The following PAK6 variants were observed in gnomAD, a reference collection of about 807,000 sequenced individuals.
The protein encoded by PAK6 is p21 (RAC1) activated kinase 6, also known as serine/threonine-protein kinase PAK 6.
PAK6 carries 33 observed loss-of-function variants against 60.8 expected under a neutral mutation model. The observed-to-expected ratio is 0.54, with a 90% CI of 0.41 to 0.73. The LOEUF is 0.73. Among genes scored for constraint, PAK6 ranks in the 30% least tolerant of loss-of-function variants. The probability of loss-of-function intolerance (pLI) is 0.00; values close to 1 mark genes in which losing one functional copy is unlikely to be tolerated. For missense variants in PAK6, 845 were observed against 904.1 expected (o/e 0.93, Z 0.84); for synonymous variants, 404 against 378.5 (o/e 1.07, Z -0.78).
At chr15:40,264,414 CTT>C (rs2039064285) in intron 3 of PAK6, 1 of 469,792 alleles carries the variant, frequency 2.1e-6, no homozygotes. Context: ...TTTCCTCCCT[CTT>C]TCCCCATTTT....
Position 40,274,285 on chromosome 15 carries a change from G to A in PAK6, c.1878+9G>A. The stretch of plus-strand genomic sequence containing the variant: ...TGAAAAACTCTCACAAGGTCAGTTG[G>A]CACACAAGGGTGCGACCTCGCAGAC... On this transcript the variant is annotated intron_variant, in intron 10 of 10. Coordinates refer to ENST00000560346, the Ensembl canonical transcript of PAK6. 6.3e-7 allele frequency: 1 copy of A among 1,594,710 alleles called. No individual in the cohort carries two copies. Among genetic ancestry groups the A allele is most frequent in the Non-Finnish European group, 8.5e-7 (1 of 1,170,290 alleles).
intron 5 of PAK6, among the ~76,000 whole-genome samples, chr15:40,267,668 A>G (rs906005889): frequency 1.3e-4 from 20 of 152,170 alleles, no homozygotes; most frequent in Non-Finnish European, 2.9e-4. Flanking sequence ...GTCTCAAAAA[A>G]AAAAGAGAAA....
chr15:40,269,689 A>C (rs6492939), intron 5 of PAK6, among the ~76,000 whole-genome samples: 19,763 of 152,184 alleles, frequency 0.13, 1,629 homozygotes, highest in African/African-American at 0.22. Context: ...TGCCAGGCTG[A>C]AGACCAAGCC....
chr15:40,248,039 C>T (rs2038544275), intron 2 of PAK6, among the ~76,000 whole-genome samples: 1 of 152,212 alleles, frequency 6.6e-6, no homozygotes, highest in Non-Finnish European at 1.5e-5. Context: ...CCACCACCTT[C>T]CCCAGGGCGG....
At chr15:40,256,180 G>C (rs951521537) in intron 3 of PAK6, among the ~76,000 whole-genome samples, 1 of 152,140 alleles carries the variant, frequency 6.6e-6, no homozygotes, top group Admixed American at 6.5e-5. Flanking sequence ...AGCTCTGATC[G>C]CGCCACTGCA....
chr15:40,272,667 C>T (rs917620668), exon 6 of PAK6: 6 of 1,604,418 alleles, frequency 3.7e-6, no homozygotes, highest in Admixed American at 1.7e-5. Flanking sequence ...GCCAGGTGGC[C>T]GTCAAGATGA....
In PAK6 at chr15:40,264,785, C is replaced by T. The variant is rs760668122; in HGVS notation, c.-1C>T. ...AACCTTACTCTGCACTTACAGGCAC[C>T]ATGTTCCGCAAGAAAAAGAAGAAAC... is the stretch of plus-strand genomic sequence containing the variant. On this transcript the variant is annotated 5_prime_UTR_variant, in exon 4 of 11. Transcript: ENST00000560346. 29 of 1,613,616 alleles carry T rather than the reference C, an allele frequency of 1.8e-5. 1 individual carries two copies. The highest frequency in any genetic ancestry group is 1.8e-5 in the Non-Finnish European group (21 of 1,179,942).
chr15:40,263,673 G>C, intron 3 of PAK6: 1 of 315,296 alleles, frequency 3.2e-6, no homozygotes, highest in South Asian at 2.6e-5. Flanking sequence ...GGAGTGCAGT[G>C]GGGCAATCTC....
chr15:40,275,553 G>A (rs986941590), intron 10 of PAK6, among the ~76,000 whole-genome samples: 1 of 152,038 alleles, frequency 6.6e-6, no homozygotes, highest in Non-Finnish European at 1.5e-5. Flanking sequence ...CCAAAGTGCT[G>A]GGATTACAGG....
intron 4 of PAK6, 145 bp downstream of exon 4, chr15:40,265,134 C>A: frequency 1.3e-6 from 1 of 783,680 alleles, no homozygotes. Flanking sequence ...GCCTGTCAGC[C>A]TGCCATTCTC....
At chr15:40,261,462 G>A (rs530303257) in intron 3 of PAK6, among the ~76,000 whole-genome samples, 10 of 152,070 alleles carry the variant, frequency 6.6e-5, no homozygotes, top group Admixed American at 2.6e-4. Context: ...ACTTGAACCC[G>A]GGAGGCAGAG....
At chr15:40,248,979 A>AAT (rs1171641459) in intron 2 of PAK6, among the ~76,000 whole-genome samples, 8 of 152,130 alleles carry the variant, frequency 5.3e-5, no homozygotes, top group Non-Finnish European at 1.2e-4. Flanking sequence ...TGGATAACAA[A>AAT]ATACTATGGA....
intron 3 of PAK6, chr15:40,264,473 G>A (rs1472151912): frequency 1.9e-6 from 1 of 524,068 alleles, no homozygotes; most frequent in Admixed American, 2.3e-5. Context: ...ATGGGCTTTG[G>A]ATTTTATAAA....
exon 5 of PAK6, chr15:40,266,478 C>T (rs767862380): frequency 6.2e-7 from 1 of 1,607,324 alleles, no homozygotes; most frequent in Non-Finnish European, 8.5e-7. Context: ...CAAGCCAGGC[C>T]CTCCACCACA....
At chr15:40,276,175 C>T in exon 11 of PAK6, 4 of 1,283,668 alleles carry the variant, frequency 3.1e-6, no homozygotes, top group South Asian at 1.2e-5. Flanking sequence ...ACTTGCCTGC[C>T]TCCTCCTCTC....
chr15:40,251,610 A>G (rs1160189034), intron 2 of PAK6: 1 of 152,662 alleles, frequency 6.6e-6, no homozygotes, highest in Non-Finnish European at 1.5e-5. Context: ...TGACACTGGC[A>G]GTCACCCAGC....
At chr15:40,276,103 C>A in exon 11 of PAK6, 1 of 1,612,312 alleles carries the variant, frequency 6.2e-7, no homozygotes, top group Non-Finnish European at 8.5e-7. Flanking sequence ...GAGCCCACCC[C>A]AAGTATGCCT....
chr15:40,256,608 C>A (rs764801421), intron 3 of PAK6, among the ~76,000 whole-genome samples: 2 of 152,124 alleles, frequency 1.3e-5, no homozygotes, highest in Non-Finnish European at 2.9e-5. Flanking sequence ...TTGGATGGGC[C>A]TGAGAATAAC....
At chr15:40,239,142 CGGGGCGCGCGGTGGAGGA>C (rs2038245711), upstream of PAK6, 2 of 152,200 alleles carry the variant, frequency 1.3e-5, no homozygotes, top group Admixed American at 1.3e-4. Context: ...CAAAGTGAGC[CGGGGCGCGCGGTGGAGGA>C]GGGGCGCGCC....
Sources: allele counts gnomAD v4.1 joint callset (sites outside exome capture counted in the v4.1 genomes callset), GRCh38; gene constraint gnomAD v4.1.1; transcripts MANE v1.5; gene names NCBI Gene and HGNC (gene_info 2026-07-23, HGNC 2026-07-21).